The following SEMA5A variants were observed in gnomAD, a reference collection of about 807,000 sequenced individuals.
The protein encoded by SEMA5A is semaphorin 5A.
Under a neutral mutation model 135.5 loss-of-function variants are expected in SEMA5A, and 55 were observed. The ratio of observed to expected loss-of-function variants is 0.41; its 90% CI spans 0.33 to 0.51. The LOEUF (loss-of-function observed/expected upper bound fraction) is 0.51. SEMA5A is among the 20% of genes least tolerant of loss of function. The pLI, the probability that SEMA5A is intolerant of heterozygous loss-of-function variation, is 0.37. For missense variants in SEMA5A, 1,290 were observed against 1,419.9 expected, an observed-to-expected ratio of 0.91 and a Z score of 1.47; for synonymous variants, 580 against 546.5, an observed-to-expected ratio of 1.06 and a Z score of -0.85.
chr5:9,426,253 G>C (rs958443516), intron 2 of SEMA5A, among the ~76,000 whole-genome samples: 5 of 151,518 alleles, frequency 3.3e-5, no homozygotes, highest in African/African-American at 1.2e-4. Context: ...GTGAAACCCC[G>C]TCTCTACTAA....
At chr5:9,236,185 C>A (rs996542840) in intron 6 of SEMA5A, among the ~76,000 whole-genome samples, 1 of 152,150 alleles carries the variant, frequency 6.6e-6, no homozygotes, top group Admixed American at 6.5e-5. Context: ...GGGACACAGC[C>A]AAACCATATC....
chr5:9,434,894 G>A (rs992528529), intron 2 of SEMA5A, among the ~76,000 whole-genome samples: 1 of 152,114 alleles, frequency 6.6e-6, no homozygotes, highest in Non-Finnish European at 1.5e-5. Context: ...ACGAATGAAT[G>A]AGTACAATAG....
rs1474425374 is a variant in SEMA5A at position 9,062,882 on chromosome 5, CTTACCTGGGCAGGGCAAAATG to C, written c.2502_2518+4del. 1 of 1,614,214 alleles carries C rather than the reference CTTACCTGGGCAGGGCAAAATG, an allele frequency of 6.2e-7. No homozygotes were observed. The highest frequency in any genetic ancestry group is 1.6e-4 in the Middle Eastern group (1 of 6,062). On this transcript the variant is annotated splice_donor_variant and splice_donor_region_variant and coding_sequence_variant and intron_variant, in exon 18 of 23. Transcript: ENST00000382496. LOFTEE classifies it high-confidence loss of function. ...GATGTTTTGTAGACTACACAATCCACTTACCTGGGCAGGGCAAAATGTTGCATTCCTGGTATTCCAGAGATG... is the reference window on the plus strand; with the variant it reads ...GATGTTTTGTAGACTACACAATCCACTTGCATTCCTGGTATTCCAGAGATG...
Position 9,190,392 on chromosome 5 carries a change from T to C in SEMA5A, c.1148A>G (p.His383Arg). ...TGTGGTCACTGGCTGTACCACCTCATGCATCAGAATGAACTTCTGAGCATC... is the reference window on the plus strand; with the variant it reads ...TGTGGTCACTGGCTGTACCACCTCACGCATCAGAATGAACTTCTGAGCATC... ...LQDAQKFILM[H>R]EVVQPVTTVP... Residue 383 changes from histidine to arginine, a missense_variant, in exon 11 of 23, where the codon CAT (histidine) becomes CGT (arginine). By Grantham distance (29) the His-to-Arg change is conservative. This residue lies in a region of SEMA5A where 1,029 missense variants were observed against 1,086.6 expected (regional missense o/e 0.95). Coordinates refer to ENST00000382496, the MANE Select transcript of SEMA5A (RefSeq NM_003966.3). 1 of 1,614,074 alleles carries C rather than the reference T, an allele frequency of 6.2e-7. No individual in the cohort carries two copies. The highest frequency in any genetic ancestry group is 2.2e-5 in the East Asian group (1 of 44,858).
intron 3 of SEMA5A, among the ~76,000 whole-genome samples, chr5:9,374,519 G>A (rs758677632): frequency 8.5e-5 from 13 of 152,064 alleles, no homozygotes; most frequent in Non-Finnish European, 1.3e-4. Flanking sequence ...TCTTGGAATG[G>A]TGCCTTACAA....
intron 1 of SEMA5A, among the ~76,000 whole-genome samples, chr5:9,480,739 G>A (rs1247283838): frequency 6.6e-6 from 1 of 152,150 alleles, no homozygotes; most frequent in Non-Finnish European, 1.5e-5. Context: ...TCCATGCACT[G>A]GGGGTGTGCA....
At chr5:9,126,713 C>T (rs1741134508) in intron 13 of SEMA5A, among the ~76,000 whole-genome samples, 1 of 152,190 alleles carries the variant, frequency 6.6e-6, no homozygotes, top group Admixed American at 6.5e-5. Flanking sequence ...GATGAAATCA[C>T]AGCAGTGTTC....
rs1735977103 is a variant in SEMA5A, at chr5:9,041,686, T to G, written c.*1211A>C. 1 of 152,404 alleles carries G rather than the reference T, an allele frequency of 6.6e-6. No individual in the cohort carries two copies. The highest frequency in any genetic ancestry group is 1.5e-5 in the Non-Finnish European group (1 of 68,032). 9.4% of individuals were successfully genotyped at this position (152,404 alleles called of 1,614,324 possible). A position where few individuals can be genotyped will look rare whatever the true frequency, so the allele number is the denominator to read the frequency against. On this transcript the variant is annotated 3_prime_UTR_variant, in exon 23 of 23. Coordinates refer to ENST00000382496, the MANE Select transcript of SEMA5A (RefSeq NM_003966.3). Reference sequence around the variant, plus strand: ...GGTGGGTGGGAAGGCAGCACTGAAATAAAAGAAAAGGCACCAGAGCTGAGC... The same window carrying G: ...GGTGGGTGGGAAGGCAGCACTGAAAGAAAAGAAAAGGCACCAGAGCTGAGC...
At chr5:9,452,885 G>C (rs1451357985) in intron 1 of SEMA5A, among the ~76,000 whole-genome samples, 1 of 152,032 alleles carries the variant, frequency 6.6e-6, no homozygotes, top group Non-Finnish European at 1.5e-5. Context: ...CTCCCAACGG[G>C]GTCTAATACA....
At chr5:9,092,125 C>T (rs957371556) in intron 16 of SEMA5A, among the ~76,000 whole-genome samples, 2 of 152,174 alleles carry the variant, frequency 1.3e-5, no homozygotes, top group Non-Finnish European at 1.5e-5. Flanking sequence ...ATTCATATTC[C>T]ACCCAGCTGC....
intron 16 of SEMA5A, among the ~76,000 whole-genome samples, chr5:9,107,478 A>G (rs1299284903): frequency 6.6e-6 from 1 of 152,170 alleles, no homozygotes; most frequent in African/African-American, 2.4e-5. Flanking sequence ...TCATCCCACA[A>G]TGTTCTATAC....
chr5:9,541,729 T>C (rs558282719), intron 1 of SEMA5A, among the ~76,000 whole-genome samples: 15 of 152,308 alleles, frequency 9.8e-5, no homozygotes, highest in Admixed American at 5.9e-4. Context: ...AGCAATTCCT[T>C]TGGGAAATTT....
At chr5:9,117,030 T>C (rs1358324032) in intron 15 of SEMA5A, among the ~76,000 whole-genome samples, 9 of 152,198 alleles carry the variant, frequency 5.9e-5, no homozygotes, top group Admixed American at 2.0e-4. Flanking sequence ...GTTCTTACTA[T>C]CCATCTATTA....
chr5:9,303,807 T>C (rs1280652095), intron 5 of SEMA5A, among the ~76,000 whole-genome samples: 1 of 152,158 alleles, frequency 6.6e-6, no homozygotes, highest in Non-Finnish European at 1.5e-5. Context: ...AGACAATCCT[T>C]GAAAACTATA....
intron 2 of SEMA5A, among the ~76,000 whole-genome samples, chr5:9,381,987 C>T (rs752089734): frequency 0.17 from 5,020 of 29,006 alleles, 106 homozygotes; most frequent in African/African-American, 0.2. Flanking sequence ...TGTGTGCGCG[C>T]GCGCGCACAT....
intron 16 of SEMA5A, among the ~76,000 whole-genome samples, chr5:9,099,195 A>G (rs1248814873): frequency 6.6e-6 from 1 of 152,088 alleles, no homozygotes; most frequent in Non-Finnish European, 1.5e-5. Context: ...TTGATTGCGA[A>G]ACTTTCAGTG....
intron 14 of SEMA5A, 139 bp from the exon 15 acceptor site, chr5:9,119,280 G>A: frequency 1.1e-6 from 1 of 934,624 alleles, no homozygotes. Flanking sequence ...CCAGCCAGGG[G>A]ACTGAATGGA....
chr5:9,150,222 T>C lies in SEMA5A; in HGVS notation c.1481+4266A>G, dbSNP rs140216011. Among the ~76,000 whole-genome samples the C allele has an allele frequency of 8.1e-3, 1,237 of 152,330 alleles. 13 individuals carry two copies. The highest frequency in any genetic ancestry group is 0.013 in the Non-Finnish European group (918 of 68,030). Reference sequence around the variant, plus strand: ...GCCCACAGGATGAGGTCAGCTTTCCTGTCTTCCCCTGTTACTCATGGTACT... The same window carrying C: ...GCCCACAGGATGAGGTCAGCTTTCCCGTCTTCCCCTGTTACTCATGGTACT... On this transcript the variant is annotated intron_variant, in intron 12 of 22. Coordinates refer to ENST00000382496, the MANE Select transcript of SEMA5A (RefSeq NM_003966.3).
intron 3 of SEMA5A, among the ~76,000 whole-genome samples, chr5:9,348,513 T>C (rs372353036): frequency 2.8e-4 from 43 of 152,236 alleles, no homozygotes; most frequent in African/African-American, 9.6e-4. Flanking sequence ...GTACTTTGAG[T>C]CACCCATAGG....
Sources: gnomAD v4.1 joint callset for allele counts (sites outside exome capture counted in the v4.1 genomes callset) on GRCh38, gnomAD v4.1.1 for gene constraint, gnomAD v4.1.1 regional missense constraint, MANE v1.5 for transcripts, NCBI Gene and HGNC (gene_info 2026-07-23, HGNC 2026-07-21) for gene names.